Variants in ADAMTSL2 observed in about 807,000 individuals in gnomAD.
The protein encoded by ADAMTSL2 is ADAMTS like 2.
Under a neutral mutation model 117.0 loss-of-function variants are expected in ADAMTSL2, and 55 were observed. That is an observed-to-expected ratio of 0.47 (90% CI 0.38 to 0.59). The LOEUF is 0.59. Ranked by LOEUF, ADAMTSL2 falls within the 20% of genes least tolerant of loss-of-function variation. The pLI is 0.00. For synonymous variants in ADAMTSL2, 572 were observed against 566.4 expected, an observed-to-expected ratio of 1.01 and a Z score of -0.14; for missense variants, 1,182 against 1,354.5, an observed-to-expected ratio of 0.87 and a Z score of 2.00.
At chr9:133,567,140 AC>A (rs1302015934) in intron 13 of ADAMTSL2, 78 bp downstream of exon 13, 15 of 1,524,852 alleles carry the variant, frequency 9.8e-6, no homozygotes, top group African/African-American at 2.7e-5. Flanking sequence ...AGTCAGACTT[AC>A]CCCCTGCCCC....
chr9:133,537,240 C>T (rs981495891), intron 2 of ADAMTSL2, among the ~76,000 whole-genome samples, 165 bp from the exon 3 acceptor site: 4 of 152,180 alleles, frequency 2.6e-5, no homozygotes, highest in African/African-American at 4.8e-5. Flanking sequence ...CAGCGCCACC[C>T]AGGAGATCTG....
chr9:133,566,001 G>C (rs1830964651), intron 12 of ADAMTSL2, among the ~76,000 whole-genome samples: 1 of 152,208 alleles, frequency 6.6e-6, no homozygotes, highest in African/African-American at 2.4e-5. Flanking sequence ...ACCAGGCAAG[G>C]GTGCAGGGGC....
At chr9:133,544,176 C>T (rs1173277375) in intron 7 of ADAMTSL2, among the ~76,000 whole-genome samples, 1 of 152,214 alleles carries the variant, frequency 6.6e-6, no homozygotes, top group East Asian at 1.9e-4. Context: ...GACTGAACTC[C>T]CAGTGTGCTC....
chr9:133,546,704 A>T (rs1410701732), intron 8 of ADAMTSL2, among the ~76,000 whole-genome samples: 1 of 152,144 alleles, frequency 6.6e-6, no homozygotes, highest in Non-Finnish European at 1.5e-5. Context: ...CTCCTGCTCC[A>T]GACTGGGTCC....
intron 4 of ADAMTSL2, 96 bp from the exon 5 acceptor site, chr9:133,539,675 C>CTGTCCCGGCTGTCCCGGT: frequency 7.8e-7 from 1 of 1,275,358 alleles, no homozygotes; most frequent in Non-Finnish European, 1.1e-6. Context: ...GCTGTCCCGG[C>CTGTCCCGGCTGTCCCGGT]TGTCCCGGCT....
chr9:133,540,788 G>A (rs1265593121), intron 6 of ADAMTSL2, 45 bp downstream of exon 6: 3 of 1,613,276 alleles, frequency 1.9e-6, no homozygotes, highest in Admixed American at 3.3e-5. Flanking sequence ...TCACTGTGCT[G>A]ACTGCCCGCC....
Position 133,540,947 on chromosome 9 carries a change from G to T in ADAMTSL2, c.628G>T (p.Gly210Cys). The change falls in exon 7 of 19, where the codon GGT becomes TGT. Residue 210 changes from glycine (G) to cysteine (C), a missense_variant. Gly to Cys is a radical substitution (Grantham distance 159). Coordinates refer to ENST00000651351, the MANE Select transcript of ADAMTSL2 (RefSeq NM_014694.4). ...LDKCGICQGD[G>C]SSCTHVTGNY... ...CAAGTGTGGCATCTGCCAGGGGGAC[G>T]GTAGCAGCTGCACCCACGTGACGGG... is the stretch of plus-strand genomic sequence containing the variant. 1 of 1,613,410 alleles carries T rather than the reference G, an allele frequency of 6.2e-7. No individual in the cohort carries two copies. The highest frequency in any genetic ancestry group is 2.2e-5 in the East Asian group (1 of 44,870).
chr9:133,563,104 C>A (rs1039752147), intron 12 of ADAMTSL2, among the ~76,000 whole-genome samples: 69 of 152,284 alleles, frequency 4.5e-4, no homozygotes, highest in African/African-American at 1.5e-3. Flanking sequence ...CTGTTTTCCA[C>A]AGGTGAACTG....
At chr9:133,539,686 G>GTCCCGGCTGTC (rs1554810799) in intron 4 of ADAMTSL2, 85 bp from the exon 5 acceptor site, 473 of 1,306,308 alleles carry the variant, frequency 3.6e-4, no homozygotes, top group South Asian at 4.1e-4. Flanking sequence ...TGTCCCGGCT[G>GTCCCGGCTGTC]CAGCCACTTC....
intron 8 of ADAMTSL2, 138 bp from the exon 9 acceptor site, chr9:133,546,900 T>A (rs1830361456): frequency 3.4e-6 from 3 of 890,536 alleles, no homozygotes; most frequent in Non-Finnish European, 5.6e-6. Flanking sequence ...AGACTCTCCA[T>A]GATGGGAGTT....
At chr9:133,556,000 AG>A in intron 11 of ADAMTSL2, 70 bp downstream of exon 11, 2 of 1,572,076 alleles carry the variant, frequency 1.3e-6, no homozygotes, top group South Asian at 2.3e-5. Context: ...CCAGGTAGAA[AG>A]TGAGGCCCCA....
chr9:133,539,301 G>C (rs1475410813), intron 4 of ADAMTSL2, among the ~76,000 whole-genome samples: 2 of 152,200 alleles, frequency 1.3e-5, no homozygotes, highest in Non-Finnish European at 2.9e-5. Flanking sequence ...TGAGTCTCTT[G>C]TCTGCACGCT....
At chr9:133,538,033 G>A (rs555236975) in intron 3 of ADAMTSL2, among the ~76,000 whole-genome samples, 7 of 152,234 alleles carry the variant, frequency 4.6e-5, no homozygotes, top group South Asian at 2.1e-4. Context: ...CATGGAGAGC[G>A]TGCTGGTCTC....
chr9:133,545,576 G>A (rs924757414), intron 8 of ADAMTSL2, among the ~76,000 whole-genome samples: 5 of 152,216 alleles, frequency 3.3e-5, no homozygotes, highest in African/African-American at 1.2e-4. Flanking sequence ...CCAGCGCCCT[G>A]GGGGCTACTC....
intron 5 of ADAMTSL2, 67 bp from the exon 6 acceptor site, chr9:133,540,531 G>GGGAA: frequency 6.3e-7 from 1 of 1,584,000 alleles, no homozygotes; most frequent in Non-Finnish European, 8.6e-7. Flanking sequence ...GGGAGGAAAA[G>GGGAA]GGAAGTCCTC....
At chr9:133,566,799 T>A (rs2131176846) in intron 12 of ADAMTSL2, 137 bp from the exon 13 acceptor site, 1 of 1,174,486 alleles carries the variant, frequency 8.5e-7, no homozygotes, top group East Asian at 2.6e-5. Context: ...CATGCCACAG[T>A]TGCACAAGCT....
At chr9:133,573,043 G>A (rs1281169549) in intron 17 of ADAMTSL2, among the ~76,000 whole-genome samples, 1 of 152,178 alleles carries the variant, frequency 6.6e-6, no homozygotes, top group Non-Finnish European at 1.5e-5. Flanking sequence ...GCAGGCAGCA[G>A]TCTTTCTGCC....
chr9:133,544,554 G>T lies in ADAMTSL2; in HGVS notation c.763+4G>T. On this transcript the variant is annotated splice_donor_region_variant and intron_variant, in intron 8 of 18. Coordinates refer to ENST00000651351, the MANE Select transcript of ADAMTSL2 (RefSeq NM_014694.4). Reference sequence around the variant, plus strand: ...AAGAAGTCCGCTGACGTGCTAGGTGGGTACGCAGTGTCTGGCAGCTGCCTC... The same window carrying T: ...AAGAAGTCCGCTGACGTGCTAGGTGTGTACGCAGTGTCTGGCAGCTGCCTC... 6.2e-7 allele frequency: 1 copy of T among 1,613,364 alleles called. No homozygotes were observed. Among genetic ancestry groups the T allele is most frequent in the East Asian group, 2.2e-5 (1 of 44,880 alleles).
Position 133,555,700 on chromosome 9 carries a change from C to T in ADAMTSL2, c.1419C>T (p.Thr473=), listed in dbSNP as rs1830590259. ...LGAGSDLKDF[T]LNETVNSIFA... is the part of the protein sequence containing the mutation. Reference sequence around the variant, plus strand: ...CAGGCTCTGACTTGAAGGACTTCACCCTCAATGAGACTGTGAACAGCATCT... The same window carrying T: ...CAGGCTCTGACTTGAAGGACTTCACTCTCAATGAGACTGTGAACAGCATCT... The change falls in exon 11 of 19, where the codon ACC becomes ACT. Residue 473 remains threonine (T), a synonymous_variant. Transcript: ENST00000651351. 2 of 1,613,850 alleles carry T rather than the reference C, an allele frequency of 1.2e-6. No homozygotes were observed. Among genetic ancestry groups the T allele is most frequent in the African/African-American group, 1.3e-5 (1 of 74,946 alleles).
Sources: gnomAD v4.1 joint callset for allele counts (sites outside exome capture counted in the v4.1 genomes callset) on GRCh38, gnomAD v4.1.1 for gene constraint, MANE v1.5 for transcripts, NCBI Gene and HGNC (gene_info 2026-07-23, HGNC 2026-07-21) for gene names.